EYS: variants seen among roughly 807,000 people sequenced by gnomAD.
The protein encoded by EYS is EGF-like photoreceptor maintenance factor.
In EYS, 250 loss-of-function variants were observed where a neutral mutation model predicts 282.1. The ratio of observed to expected loss-of-function variants is 0.89; its 90% CI spans 0.80 to 0.98. The LOEUF is 0.98. EYS is among the 50% of genes least tolerant of loss of function. EYS has a pLI of 0.00. For synonymous variants in EYS, 1,355 were observed against 1,282.9 expected, an observed-to-expected ratio of 1.06 and a Z score of -1.20; for missense variants, 4,016 against 3,709.0, an observed-to-expected ratio of 1.08 and a Z score of -2.15.
chr6:64,925,786 C>T (rs1220379057), intron 15 of EYS, among the ~76,000 whole-genome samples: 1 of 152,080 alleles, frequency 6.6e-6, no homozygotes, highest in Non-Finnish European at 1.5e-5. Context: ...TGGTCCTTGT[C>T]CCCCACTTTG....
At chr6:64,539,251 G>C (rs1369992385) in intron 26 of EYS, among the ~76,000 whole-genome samples, 1 of 152,120 alleles carries the variant, frequency 6.6e-6, no homozygotes, top group Admixed American at 6.6e-5. Flanking sequence ...TGTGTTATAT[G>C]TATTTTACCA....
In EYS at chr6:65,030,939, C is replaced by T. The variant is rs911046981; in HGVS notation, c.2137+26675G>A. On this transcript the variant is annotated intron_variant, in intron 13 of 42. Coordinates refer to ENST00000503581, the MANE Select transcript of EYS (RefSeq NM_001142800.2). ...ATGCAATGACACCCATAGCCTCAAACTAAAGAGATGGAGAAAATTCTACAA... is the reference window on the plus strand; with the variant it reads ...ATGCAATGACACCCATAGCCTCAAATTAAAGAGATGGAGAAAATTCTACAA... Among the ~76,000 whole-genome samples, 14 of 151,924 alleles carry T rather than the reference C, an allele frequency of 9.2e-5. No homozygotes were observed. The South Asian group carries it at 1.2e-3, about 14-fold the overall frequency.
chr6:64,097,565 T>C (rs1194592996), intron 31 of EYS, among the ~76,000 whole-genome samples: 4 of 152,184 alleles, frequency 2.6e-5, no homozygotes, highest in African/African-American at 7.2e-5. Context: ...GCATGGGATA[T>C]AATCTCCTGC....
At chr6:64,398,920 C>T (rs1029443118) in intron 28 of EYS, among the ~76,000 whole-genome samples, 1 of 151,704 alleles carries the variant, frequency 6.6e-6, no homozygotes, top group African/African-American at 2.4e-5. Context: ...AAACTAGAAG[C>T]TTTCTGGGTT....
intron 26 of EYS, among the ~76,000 whole-genome samples, chr6:64,476,606 A>T (rs1326334422): frequency 2.0e-5 from 3 of 152,130 alleles, no homozygotes. Context: ...CTGGATCCTC[A>T]CTGCTCTTTT....
At chr6:64,949,084 TAGAG>T (rs1485566113) in intron 14 of EYS, among the ~76,000 whole-genome samples, 2 of 151,984 alleles carry the variant, frequency 1.3e-5, no homozygotes, top group Non-Finnish European at 2.9e-5. Context: ...ATTTTCAAGT[TAGAG>T]AGATTAAACA....
intron 14 of EYS, among the ~76,000 whole-genome samples, chr6:64,984,030 C>T (rs894337998): frequency 3.3e-5 from 5 of 151,360 alleles, no homozygotes; most frequent in East Asian, 1.9e-4. Flanking sequence ...ATTAGAATCC[C>T]GTCTGGAATT....
At chr6:64,555,217 C>G (rs749807244) in intron 26 of EYS, among the ~76,000 whole-genome samples, 1 of 151,622 alleles carries the variant, frequency 6.6e-6, no homozygotes, top group Non-Finnish European at 1.5e-5. Context: ...CTATTATTTC[C>G]TACAACATGG....
chr6:65,200,997 C>T (rs1310546109), intron 12 of EYS, among the ~76,000 whole-genome samples: 1 of 152,018 alleles, frequency 6.6e-6, no homozygotes, highest in Non-Finnish European at 1.5e-5. Context: ...GGGGCTGTCT[C>T]TTTTAAGATA....
intron 31 of EYS, among the ~76,000 whole-genome samples, chr6:64,153,402 G>C (rs116814964): frequency 0.019 from 2,843 of 152,180 alleles, 76 homozygotes; most frequent in African/African-American, 0.064. Flanking sequence ...AAGGCCCCTA[G>C]CCCAATTAAC....
At chr6:65,214,515 A>C (rs1766263238) in intron 12 of EYS, among the ~76,000 whole-genome samples, 1 of 152,186 alleles carries the variant, frequency 6.6e-6, no homozygotes, top group Non-Finnish European at 1.5e-5. Context: ...CTTAAGGTTT[A>C]AGGAAAGAAC....
chr6:65,189,357 T>A (rs1456421547), intron 12 of EYS, among the ~76,000 whole-genome samples: 14 of 151,804 alleles, frequency 9.2e-5, no homozygotes, highest in Non-Finnish European at 1.6e-4. Context: ...AGGTGGATAA[T>A]TCATGCTTAC....
rs397887871 is a variant in EYS, at chr6:65,091,271, T to TAA, written c.2024-33546_2024-33545dup. ...CAACATGGTGAAACCCCATCTCCCC[T>TAA]AAAAAAAAAAAAAAAAAAAAAAAAA... On this transcript the variant is annotated intron_variant, in intron 12 of 42. Transcript: ENST00000503581. 2.2e-3 allele frequency among the ~76,000 whole-genome samples: 126 copies of TAA among 56,430 alleles called. 1 individual carries two copies. The highest frequency in any genetic ancestry group is 2.5e-3 in the Non-Finnish European group (75 of 29,866). 37.0% of individuals were successfully genotyped at this position (56,430 alleles called of 152,430 possible). A position where few individuals can be genotyped will look rare whatever the true frequency, so the allele number is the denominator to read the frequency against.
intron 22 of EYS, among the ~76,000 whole-genome samples, chr6:64,756,671 T>C (rs1452000817): frequency 6.6e-6 from 1 of 152,200 alleles, no homozygotes; most frequent in Non-Finnish European, 1.5e-5. Flanking sequence ...GTTATACATG[T>C]AAAACCACTA....
At chr6:64,142,797 C>A (rs934191658) in intron 31 of EYS, among the ~76,000 whole-genome samples, 13 of 152,026 alleles carry the variant, frequency 8.6e-5, no homozygotes, top group Non-Finnish European at 1.9e-4. Flanking sequence ...TATGGGAAGG[C>A]AGTAGAAGTG....
intron 26 of EYS, among the ~76,000 whole-genome samples, chr6:64,581,280 A>C (rs1446029005): frequency 6.6e-5 from 10 of 152,050 alleles, no homozygotes; most frequent in Non-Finnish European, 5.9e-5. Context: ...TCTGTGCATA[A>C]AACTGGGGTG....
At chr6:64,942,576 A>G (rs1769124099) in intron 15 of EYS, among the ~76,000 whole-genome samples, 1 of 150,924 alleles carries the variant, frequency 6.6e-6, no homozygotes, top group South Asian at 2.1e-4. Flanking sequence ...ATTCTGAGAG[A>G]CCCTTATGAA....
chr6:64,383,291 G>C (rs1772810013), intron 29 of EYS, among the ~76,000 whole-genome samples: 1 of 152,116 alleles, frequency 6.6e-6, no homozygotes, highest in Non-Finnish European at 1.5e-5. Flanking sequence ...ACAAAAGTGA[G>C]AACCTGTCTC....
intron 5 of EYS, among the ~76,000 whole-genome samples, chr6:65,427,623 T>C (rs897190051): frequency 6.6e-6 from 1 of 152,018 alleles, no homozygotes; most frequent in Admixed American, 6.6e-5. Context: ...TGAGTCAACA[T>C]AAAATATGCT....
Sources: gnomAD v4.1 joint callset for allele counts (sites outside exome capture counted in the v4.1 genomes callset) on GRCh38, gnomAD v4.1.1 for gene constraint, MANE v1.5 for transcripts, NCBI Gene and HGNC (gene_info 2026-07-23, HGNC 2026-07-21) for gene names.